Variants in SULT1B1 observed in about 807,000 individuals in gnomAD.
SULT1B1 encodes sulfotransferase 1B1.
A neutral mutation model predicts 34.6 loss-of-function variants in SULT1B1; 28 were observed. That is an observed-to-expected ratio of 0.81 (90% CI 0.60 to 1.11). SULT1B1 has a LOEUF of 1.11. Among genes scored for constraint, SULT1B1 ranks in the 50% least tolerant of loss-of-function variants. The probability of loss-of-function intolerance (pLI) is 0.00; values close to 1 mark genes in which losing one functional copy is unlikely to be tolerated. For synonymous variants in SULT1B1, 147 were observed against 110.2 expected (o/e 1.33, Z -2.09); for missense variants, 374 against 352.2 (o/e 1.06, Z -0.50).
At chr4:69,743,247 G>A (rs754015743) in intron 4 of SULT1B1, among the ~76,000 whole-genome samples, 32 of 152,186 alleles carry the variant, frequency 2.1e-4, no homozygotes, top group Non-Finnish European at 4.4e-4. Context: ...GCAAGATGAA[G>A]AGGAGCTTTA....
rs764156717 is a variant in SULT1B1, at chr4:69,749,849, T to A, written c.278-31A>T. The A allele has an allele frequency of 7.2e-6, 11 of 1,536,480 alleles. No individual in the cohort carries two copies. In the East Asian group the frequency reaches 2.5e-4, roughly 35 times the overall value. ...AAATTTAGTTAAGTATAGGGAAATATTAGAGTCTCCAGAAAGGCTACGTTT... is the reference window on the plus strand; with the variant it reads ...AAATTTAGTTAAGTATAGGGAAATAATAGAGTCTCCAGAAAGGCTACGTTT... On this transcript the variant is annotated intron_variant, in intron 3 of 7. Transcript: ENST00000310613.
intron 4 of SULT1B1, among the ~76,000 whole-genome samples, chr4:69,737,648 T>C (rs2110021455): frequency 6.6e-6 from 1 of 152,252 alleles, no homozygotes; most frequent in East Asian, 1.9e-4. Context: ...CATTAGACTG[T>C]GATGAATTAT....
chr4:69,733,471 C>T lies in SULT1B1; in HGVS notation c.539G>A (p.Trp180Ter). ...YGSWFTHVKNWWKKKEEHPIL... is the reference protein window; with the variant it reads ...YGSWFTHVKN ...TGGGTGTTCTTCCTTTTTCTTCCAC[C>T]AGTTTTTAACATGAGTAAACCAGGA... is the stretch of plus-strand genomic sequence containing the variant. Residue 180 changes from tryptophan (W) to a stop codon, truncating the protein, a stop_gained, in exon 6 of 8, where the codon TGG becomes TAG. Transcript: ENST00000310613. LOFTEE classifies it high-confidence loss of function. The T allele has an allele frequency of 1.2e-6, 2 of 1,606,920 alleles. No individual in the cohort carries two copies. The highest frequency in any genetic ancestry group is 2.3e-5 in the East Asian group (1 of 44,212).
intron 5 of SULT1B1, 122 bp from the exon 6 acceptor site, chr4:69,733,629 G>T: frequency 1.5e-6 from 1 of 666,274 alleles, no homozygotes; most frequent in Non-Finnish European, 2.4e-6. Context: ...AGAATATGAG[G>T]ACAATCTTAA....
At chr4:69,752,134 C>T (rs897818767) in intron 3 of SULT1B1, among the ~76,000 whole-genome samples, 4 of 152,228 alleles carry the variant, frequency 2.6e-5, no homozygotes, top group Admixed American at 6.5e-5. Context: ...GTAAGATTAA[C>T]AACTTTGTGA....
At chr4:69,738,201 C>T (rs190688471) in intron 4 of SULT1B1, among the ~76,000 whole-genome samples, 19 of 152,278 alleles carry the variant, frequency 1.2e-4, no homozygotes, top group Admixed American at 1.2e-3. Flanking sequence ...TTTCCTTTTC[C>T]TTATGGCTGT....
chr4:69,747,783 C>T (rs963947835), intron 4 of SULT1B1, among the ~76,000 whole-genome samples: 1 of 152,078 alleles, frequency 6.6e-6, no homozygotes, highest in African/African-American at 2.4e-5. Flanking sequence ...GTGGGCTGTT[C>T]CATGTCTGTT....
chr4:69,747,829 G>A (rs1346967996), intron 4 of SULT1B1, among the ~76,000 whole-genome samples: 1 of 152,124 alleles, frequency 6.6e-6, no homozygotes, highest in Non-Finnish European at 1.5e-5. Flanking sequence ...TGCGGGGCCA[G>A]GAATGAGTCA....
chr4:69,752,280 G>C (rs1471200650), intron 3 of SULT1B1, among the ~76,000 whole-genome samples: 1 of 152,132 alleles, frequency 6.6e-6, no homozygotes, highest in East Asian at 1.9e-4. Context: ...CTTTCGCCCA[G>C]GCTGGAGTAC....
rs1718097474 is a variant in SULT1B1, at chr4:69,731,987, C to G, written c.598-1306G>C. ...AGCTAAAATTGTTCTTTTCATAAAG[C>G]TTTTAAGTGGTGCTCTGCTGTCCAA... On this transcript the variant is annotated intron_variant, in intron 6 of 7. Transcript: ENST00000310613. 2.6e-5 allele frequency among the ~76,000 whole-genome samples: 4 copies of G among 152,120 alleles called. No homozygotes were observed. In the South Asian group the frequency reaches 8.3e-4, roughly 32 times the overall value.
chr4:69,724,018 T>C lies in SULT1B1; in HGVS notation c.*3070A>G, dbSNP rs1355731382. The C allele has an allele frequency of 2.0e-5, 3 of 152,246 alleles. No homozygotes were observed. The highest frequency in any genetic ancestry group is 2.0e-4 in the Admixed American group (3 of 15,286). 9.4% of individuals were successfully genotyped at this position (152,246 alleles called of 1,614,324 possible). ...CTATTCAACATAGTGTTGGAAGTTC[T>C]GGCCAGGGCAATCAGGCAGGAGAAA... On this transcript the variant is annotated 3_prime_UTR_variant, in exon 8 of 8. Coordinates refer to ENST00000310613, the MANE Select transcript of SULT1B1 (RefSeq NM_014465.4).
In SULT1B1 at chr4:69,742,953, A is replaced by G. The variant is rs1268857407; in HGVS notation, c.375+6768T>C. Among the ~76,000 whole-genome samples, 3 of 152,198 alleles carry G rather than the reference A, an allele frequency of 2.0e-5. No individual in the cohort carries two copies. In the East Asian group the frequency reaches 5.8e-4, roughly 29 times the overall value. On this transcript the variant is annotated intron_variant, in intron 4 of 7. Coordinates refer to ENST00000310613, the MANE Select transcript of SULT1B1 (RefSeq NM_014465.4). ...TAAACAACTTCCACAGCTGATACCG[A>G]GGAACACAGTGGCACCCAGAAGCTT...
At chr4:69,749,677 G>T in intron 4 of SULT1B1, 44 bp downstream of exon 4, 2 of 1,377,712 alleles carry the variant, frequency 1.5e-6, no homozygotes, top group Non-Finnish European at 2.1e-6. Flanking sequence ...GTGGGTAAAG[G>T]GATAGGGCCA....
chr4:69,752,140 T>C lies in SULT1B1; in HGVS notation c.278-2322A>G, dbSNP rs1719006779. Among the ~76,000 whole-genome samples the C allele has an allele frequency of 2.0e-5, 3 of 152,238 alleles. No homozygotes were observed. In the South Asian group the frequency reaches 6.2e-4, roughly 31 times the overall value. ...TTGACAAATGTAAGATTAACAACTT[T>C]GTGAGAGTAACAGATTTGCTTTGTA... On this transcript the variant is annotated intron_variant, in intron 3 of 7. Coordinates refer to ENST00000310613, the MANE Select transcript of SULT1B1 (RefSeq NM_014465.4).
chr4:69,746,241 C>G (rs1163920587), intron 4 of SULT1B1, among the ~76,000 whole-genome samples: 1 of 152,102 alleles, frequency 6.6e-6, no homozygotes, highest in South Asian at 2.1e-4. Context: ...TCTGAATTTG[C>G]ATGTTGACTT....
intron 4 of SULT1B1, among the ~76,000 whole-genome samples, chr4:69,736,724 T>C (rs1718329341): frequency 6.6e-6 from 1 of 152,080 alleles, no homozygotes; most frequent in Admixed American, 6.5e-5. Context: ...AATCACTAGA[T>C]GGACCGAATA....
At position 69,754,094 on chromosome 4, in the gene SULT1B1, C is replaced by T. The variant is rs1247808873; in HGVS notation, c.277+576G>A. Among the ~76,000 whole-genome samples the T allele has an allele frequency of 2.6e-5, 4 of 152,238 alleles. No homozygotes were observed. The East Asian group carries it at 5.8e-4, about 22-fold the overall frequency. On this transcript the variant is annotated intron_variant, in intron 3 of 7. Coordinates refer to ENST00000310613, the MANE Select transcript of SULT1B1 (RefSeq NM_014465.4). ...TATTACCCACTTAAAGTAAGCTTTC[C>T]TATTGTTCGCTTCCACAGAACCCTA...
At chr4:69,733,573 A>G (rs1177306442) in intron 5 of SULT1B1, 66 bp from the exon 6 acceptor site, 1 of 1,207,402 alleles carries the variant, frequency 8.3e-7, no homozygotes, top group East Asian at 2.6e-5. Context: ...TCTGAATAGT[A>G]AATCAAATTG....
chr4:69,732,429 A>G (rs145807762), intron 6 of SULT1B1, among the ~76,000 whole-genome samples: 153 of 152,252 alleles, frequency 1.0e-3, no homozygotes, highest in African/African-American at 3.6e-3. Context: ...TTTGGATATT[A>G]CCACTCACTC....
Sources: allele counts gnomAD v4.1 joint callset (sites outside exome capture counted in the v4.1 genomes callset), GRCh38; gene constraint gnomAD v4.1.1; transcripts MANE v1.5; gene names NCBI Gene and HGNC (gene_info 2026-07-23, HGNC 2026-07-21).